The following SMARCA4 variants were observed in gnomAD, a reference collection of about 807,000 sequenced individuals.
The protein encoded by SMARCA4 is SWI/SNF related BAF chromatin remodeling complex subunit ATPase 4, also known as SWI/SNF-related matrix-associated actin-dependent regulator of chromatin subfamily A member 4.
Under a neutral mutation model 193.9 loss-of-function variants are expected in SMARCA4, and 31 were observed. That is an observed-to-expected ratio of 0.16 (90% CI 0.12 to 0.22). The LOEUF is 0.22. Ranked by LOEUF, SMARCA4 falls within the 10% of genes least tolerant of loss-of-function variation. The pLI is 1.00. For synonymous variants in SMARCA4, 942 were observed against 933.1 expected (o/e 1.01, Z -0.17); for missense variants, 1,148 against 2,296.0 (o/e 0.50, Z 10.22).
At chr19:11,027,144 C>G (rs1262139747) in intron 23 of SMARCA4, among the ~76,000 whole-genome samples, 1 of 152,194 alleles carries the variant, frequency 6.6e-6, no homozygotes, top group Non-Finnish European at 1.5e-5. Flanking sequence ...GGTAGTAAGC[C>G]ATTTGCAAGA....
chr19:11,013,802 C>T (rs750528433), intron 16 of SMARCA4, among the ~76,000 whole-genome samples: 20 of 152,178 alleles, frequency 1.3e-4, no homozygotes, highest in Non-Finnish European at 2.5e-4. Context: ...AGCCCTCGGG[C>T]ACATCCCAGC....
intron 7 of SMARCA4, among the ~76,000 whole-genome samples, chr19:10,990,538 A>G (rs1023406697): frequency 2.0e-5 from 3 of 151,982 alleles, no homozygotes; most frequent in African/African-American, 7.3e-5. Context: ...TCAGCCTCCC[A>G]AAGTGCTGGG....
chr19:11,047,486 G>GGGT (rs1360393290), intron 30 of SMARCA4: 1 of 150,728 alleles, frequency 6.6e-6, no homozygotes, highest in African/African-American at 2.5e-5. Context: ...TTGGCTCACT[G>GGGT]TAACCTCTGC....
At chr19:11,011,953 C>T (rs2088890818) in intron 15 of SMARCA4, 1 of 152,160 alleles carries the variant, frequency 6.6e-6, no homozygotes, top group South Asian at 2.1e-4. Flanking sequence ...TGAGATAGTC[C>T]CTGTGAAGAG....
chr19:11,017,882 C>T (rs1034543207), intron 16 of SMARCA4, among the ~76,000 whole-genome samples: 2 of 152,230 alleles, frequency 1.3e-5, no homozygotes, highest in African/African-American at 4.8e-5. Flanking sequence ...AGGACGGCTG[C>T]ACTGCCTCCC....
At position 11,058,911 on chromosome 19, in the gene SMARCA4, G is replaced by A. The variant is rs562320033; in HGVS notation, c.4635+22G>A. 5.0e-6 allele frequency: 8 copies of A among 1,585,428 alleles called. No individual in the cohort carries two copies. Among genetic ancestry groups the A allele is most frequent in the Non-Finnish European group, 6.9e-6 (8 of 1,154,612 alleles). On this transcript the variant is annotated intron_variant, in intron 32 of 34. Coordinates refer to ENST00000344626, the MANE Select transcript of SMARCA4 (RefSeq NM_003072.5). This position sits in a 1 kb window ranked among gnomAD's most constrained non-coding sequence, Gnocchi z 5.8. Reference sequence around the variant, plus strand: ...CCTGGTGAGGGCACCGCTGGGGGTTGGGGATGGGCCACTCCCACAGCTGGG... The same window carrying A: ...CCTGGTGAGGGCACCGCTGGGGGTTAGGGATGGGCCACTCCCACAGCTGGG...
rs150138332 is a variant in SMARCA4, at chr19:11,003,037, C to T, written c.1821C>T (p.Asp607=). The T allele has an allele frequency of 2.2e-5, 35 of 1,614,048 alleles. No homozygotes were observed. The highest frequency in any genetic ancestry group is 4.5e-5 in the East Asian group (2 of 44,882). ...GAATGACTCTTTTTCAGCCTCTGGA[C>T]GAGACCAGCCAGATGAGCGACCTCC... The part of the protein sequence containing the change: ...PAIGPDGEPL[D]ETSQMSDLPV... The change falls in exon 12 of 35, where the codon GAC becomes GAT. Residue 607 remains aspartate (D), a synonymous_variant. Coordinates refer to ENST00000344626, the MANE Select transcript of SMARCA4 (RefSeq NM_003072.5).
chr19:10,977,369 G>C (rs1362249999), intron 1 of SMARCA4, among the ~76,000 whole-genome samples: 1 of 152,008 alleles, frequency 6.6e-6, no homozygotes, highest in East Asian at 1.9e-4. Context: ...TGTTGCCCAG[G>C]CTGGAGTGCA....
At chr19:10,998,676 A>G (rs1278140189) in intron 11 of SMARCA4, among the ~76,000 whole-genome samples, 1 of 151,870 alleles carries the variant, frequency 6.6e-6, no homozygotes, top group East Asian at 1.9e-4. Flanking sequence ...GTGTAGACTT[A>G]CGGATTCTTG....
Position 10,996,278 on chromosome 19 carries a change from C to G in SMARCA4, c.1659C>G (p.Leu553=), listed in dbSNP as rs2145971078. The G allele has an allele frequency of 6.2e-7, 1 of 1,614,246 alleles. No individual in the cohort carries two copies. The part of the protein sequence containing the change: ...DQKKDKRLAY[L]LQQTDEYVAN... ...AGAAGGACAAGCGCCTGGCCTACCT[C>G]TTGCAGCAGACAGACGAGTACGTGG... The change falls in exon 10 of 35, where the codon CTC becomes CTG. Residue 553 remains leucine (L), a synonymous_variant. Coordinates refer to ENST00000344626, the MANE Select transcript of SMARCA4 (RefSeq NM_003072.5).
In SMARCA4 at chr19:11,036,631, A is replaced by T. The variant is rs907669926; in HGVS notation, c.4170+1499A>T. 3.9e-5 allele frequency among the ~76,000 whole-genome samples: 6 copies of T among 151,966 alleles called. No individual in the cohort carries two copies. In the East Asian group the frequency reaches 7.7e-4, roughly 20 times the overall value. ...GTTCATACGTGGCTGCTCTATGTACATTTTTTTCTAGGTGTAATTTACATA... is the reference window on the plus strand; with the variant it reads ...GTTCATACGTGGCTGCTCTATGTACTTTTTTTTCTAGGTGTAATTTACATA... On this transcript the variant is annotated intron_variant, in intron 29 of 34. Coordinates refer to ENST00000344626, the MANE Select transcript of SMARCA4 (RefSeq NM_003072.5).
At chr19:11,059,104 G>T in intron 32 of SMARCA4, 6 of 489,870 alleles carry the variant, frequency 1.2e-5, no homozygotes, top group East Asian at 6.7e-5. Flanking sequence ...ACAAGACCCT[G>T]TCTTTAAAAA....
chr19:11,001,865 T>C (rs1269899976), intron 11 of SMARCA4, among the ~76,000 whole-genome samples: 1 of 152,148 alleles, frequency 6.6e-6, no homozygotes, highest in African/African-American at 2.4e-5. Flanking sequence ...AGGGAGAAAA[T>C]GTTTATCCAT....
chr19:10,993,156 T>C (rs566079944), intron 8 of SMARCA4, among the ~76,000 whole-genome samples: 18 of 152,068 alleles, frequency 1.2e-4, no homozygotes, highest in Admixed American at 4.6e-4. Context: ...TGGCTACTTT[T>C]TGTACTTTTA....
chr19:10,985,474 C>G lies in SMARCA4; in HGVS notation c.355+69C>G, dbSNP rs1251911947. ...AGAGTCCTCAGATCATTTTCCTCCC[C>G]TGGGTTCCCACAGGATGGATTCAGG... On this transcript the variant is annotated intron_variant, in intron 3 of 34. Coordinates refer to ENST00000344626, the MANE Select transcript of SMARCA4 (RefSeq NM_003072.5). The surrounding 1 kb of genome is among the most constrained non-coding windows in gnomAD (Gnocchi z 4.5). The G allele has an allele frequency of 6.4e-7, 1 of 1,573,898 alleles. No individual in the cohort carries two copies. Among genetic ancestry groups the G allele is most frequent in the Non-Finnish European group, 8.6e-7 (1 of 1,156,118 alleles).
At chr19:10,974,689 A>ATTTTTT (rs74182450) in intron 1 of SMARCA4, among the ~76,000 whole-genome samples, 2 of 37,170 alleles carry the variant, frequency 5.4e-5, no homozygotes, top group African/African-American at 1.5e-4. Flanking sequence ...ATATATATAT[A>ATTTTTT]TTTTTTTTTT....
chr19:11,056,764 C>T (rs73502604), intron 30 of SMARCA4, among the ~76,000 whole-genome samples: 1 of 152,092 alleles, frequency 6.6e-6, no homozygotes, highest in South Asian at 2.1e-4. Context: ...CACACAAACA[C>T]CAAACAAGCA....
At chr19:10,968,395 CTG>C (rs2084406126) in intron 1 of SMARCA4, among the ~76,000 whole-genome samples, 1 of 152,192 alleles carries the variant, frequency 6.6e-6, no homozygotes, top group Non-Finnish European at 1.5e-5. Context: ...ACACTTGTCA[CTG>C]TGAACCGTTT....
chr19:10,986,560 G>A lies in SMARCA4; in HGVS notation c.727G>A (p.Gly243Ser), dbSNP rs545634451. Residue 243 changes from glycine (G) to serine (S), a missense_variant, in exon 4 of 35, where the codon GGC (glycine) becomes AGC (serine). By Grantham distance (56) the Gly-to-Ser change is moderately conservative. Transcript: ENST00000344626. The surrounding 1 kb of genome is among the most constrained non-coding windows in gnomAD (Gnocchi z 6.7). ...TGGCCCTGGCCCCGGCCCGGGTCCC[G>A]GCCCGGCACCTCCAAATTACAGCAG... ...GPGPGPGPGP[G>S]PAPPNYSRPH... is the part of the protein sequence containing the mutation. The A allele has an allele frequency of 3.5e-5, 54 of 1,537,990 alleles. No individual in the cohort carries two copies. Among genetic ancestry groups the A allele is most frequent in the South Asian group, 2.4e-4 (20 of 84,028 alleles).
Sources: gnomAD v4.1 joint callset for allele counts (sites outside exome capture counted in the v4.1 genomes callset) on GRCh38, gnomAD v4.1.1 for gene constraint, Gnocchi (gnomAD v3.1) non-coding constraint, MANE v1.5 for transcripts, NCBI Gene and HGNC (gene_info 2026-07-23, HGNC 2026-07-21) for gene names.